The following MSR1 variants were observed in gnomAD, a reference collection of about 807,000 sequenced individuals.
MSR1 encodes macrophage scavenger receptor types I and II.
MSR1 carries 53 observed loss-of-function variants against 47.2 expected under a neutral mutation model. The observed-to-expected ratio is 1.12, with a 90% CI of 0.90 to 1.41. The LOEUF (loss-of-function observed/expected upper bound fraction) is 1.41, where lower values mean the gene tolerates loss of function less well. Ranked by LOEUF, MSR1 falls within the 40% of genes most tolerant of loss-of-function variation. MSR1 has a pLI of 0.00. For missense variants in MSR1, 786 were observed against 546.9 expected, an observed-to-expected ratio of 1.44 and a Z score of -4.36; for synonymous variants, 239 against 185.6, an observed-to-expected ratio of 1.29 and a Z score of -2.34.
At chr8:16,139,750 A>C (rs1800481369) in intron 8 of MSR1, 1 of 124,332 alleles carries the variant, frequency 8.0e-6, no homozygotes, top group Non-Finnish European at 9.6e-6. Flanking sequence ...CAAAACTTAA[A>C]AAAAAAAAAA....
At chr8:16,139,635 T>A (rs1178554576) in intron 8 of MSR1, 1 of 973,960 alleles carries the variant, frequency 1.0e-6, no homozygotes, top group Non-Finnish European at 1.2e-6. Flanking sequence ...TTGGTATTCT[T>A]TTTCATGATC....
At chr8:16,170,360 A>C (rs1054641068) in intron 3 of MSR1, among the ~76,000 whole-genome samples, 40 of 147,184 alleles carry the variant, frequency 2.7e-4, no homozygotes, top group African/African-American at 9.0e-4. Context: ...AAAAAAAAAA[A>C]CAAAACATGA....
intron 8 of MSR1, among the ~76,000 whole-genome samples, chr8:16,132,306 C>G (rs997107538): frequency 1.3e-5 from 2 of 151,800 alleles, no homozygotes; most frequent in African/African-American, 4.8e-5. Flanking sequence ...TATTGGTGTA[C>G]AGAAATGCTA....
At chr8:16,149,207 T>C (rs899689850) in intron 7 of MSR1, among the ~76,000 whole-genome samples, 1 of 152,084 alleles carries the variant, frequency 6.6e-6, no homozygotes, top group African/African-American at 2.4e-5. Flanking sequence ...TCAGTGTTGG[T>C]TTATTAATGG....
intron 4 of MSR1, among the ~76,000 whole-genome samples, chr8:16,164,633 G>T (rs979325542): frequency 6.6e-6 from 1 of 151,792 alleles, no homozygotes; most frequent in East Asian, 1.9e-4. Context: ...GTCAAATTTC[G>T]TGAATTTGAT....
intron 1 of MSR1, among the ~76,000 whole-genome samples, chr8:16,188,104 T>G (rs1802055877): frequency 6.6e-6 from 1 of 152,144 alleles, no homozygotes; most frequent in Admixed American, 6.6e-5. Context: ...GTAAAATCCT[T>G]GGAGTTTGTG....
At chr8:16,138,532 T>C (rs1800447402) in intron 8 of MSR1, among the ~76,000 whole-genome samples, 2 of 152,152 alleles carry the variant, frequency 1.3e-5, no homozygotes, top group South Asian at 4.1e-4. Context: ...TTTGGATTAG[T>C]TTTTCACACT....
intron 8 of MSR1, among the ~76,000 whole-genome samples, chr8:16,141,605 T>C (rs1800558353): frequency 6.6e-6 from 1 of 152,156 alleles, no homozygotes; most frequent in Non-Finnish European, 1.5e-5. Flanking sequence ...AGTTGTTATA[T>C]ACTCTGCATG....
intron 8 of MSR1, among the ~76,000 whole-genome samples, chr8:16,124,443 G>C (rs1387264377): frequency 6.6e-6 from 1 of 152,142 alleles, no homozygotes; most frequent in East Asian, 1.9e-4. Context: ...AATAAATAAG[G>C]TCATGCTTAA....
rs76510245 is a variant in MSR1, at chr8:16,108,751, G to T, written c.*1334C>A. On this transcript the variant is annotated 3_prime_UTR_variant, in exon 10 of 10. Coordinates refer to ENST00000262101, the MANE Select transcript of MSR1 (RefSeq NM_138715.3). ...TACAGTAATTCCAATTCCAAGGTAA[G>T]GTTTTGCCTTTTTAAGTTGGACGGC... 2 of 152,050 alleles carry T rather than the reference G, an allele frequency of 1.3e-5. No individual in the cohort carries two copies. The highest frequency in any genetic ancestry group is 2.9e-5 in the Non-Finnish European group (2 of 67,982). The allele number at this position is 152,050 out of a possible 1,614,324, so 9.4% of individuals were successfully genotyped here.
chr8:16,123,570 C>T (rs186356388), intron 8 of MSR1, among the ~76,000 whole-genome samples: 1 of 90,122 alleles, frequency 1.1e-5, no homozygotes, highest in Non-Finnish European at 2.4e-5. Flanking sequence ...ATAAAGATTT[C>T]AGAAGACATG....
chr8:16,132,675 C>T (rs367970055), intron 8 of MSR1, among the ~76,000 whole-genome samples: 8 of 152,012 alleles, frequency 5.3e-5, no homozygotes, highest in East Asian at 3.9e-4. Flanking sequence ...TTAGTACAGA[C>T]GGGTTTTGCC....
chr8:16,174,250 T>TA (rs1801573847), intron 3 of MSR1, among the ~76,000 whole-genome samples: 1 of 127,772 alleles, frequency 7.8e-6, no homozygotes, highest in Non-Finnish European at 1.8e-5. Context: ...CTTTAGGAAC[T>TA]TTTTTGTTGT....
At chr8:16,178,041 G>A in intron 1 of MSR1, 49 bp from the exon 2 acceptor site, 2 of 1,401,110 alleles carry the variant, frequency 1.4e-6, no homozygotes, top group Admixed American at 1.7e-5. Flanking sequence ...AAATGGCTAG[G>A]GCTCTTTTGC....
chr8:16,179,843 C>G (rs1801772626), intron 1 of MSR1, among the ~76,000 whole-genome samples: 1 of 135,838 alleles, frequency 7.4e-6, no homozygotes, highest in African/African-American at 2.8e-5. Flanking sequence ...CACCGCTGAA[C>G]TCTAGCCCGG....
intron 8 of MSR1, chr8:16,140,438 T>A (rs566973997): frequency 5.1e-6 from 5 of 986,362 alleles, no homozygotes; most frequent in Non-Finnish European, 6.0e-6. Context: ...GAGTTTTAGA[T>A]GGGATACTTA....
chr8:16,169,528 T>C (rs1359566292), intron 3 of MSR1, among the ~76,000 whole-genome samples: 1 of 152,098 alleles, frequency 6.6e-6, no homozygotes, highest in Non-Finnish European at 1.5e-5. Context: ...AAAATATATA[T>C]TCACAGCAGA....
chr8:16,169,420 C>T (rs901160860), intron 3 of MSR1, among the ~76,000 whole-genome samples: 1 of 152,166 alleles, frequency 6.6e-6, no homozygotes, highest in African/African-American at 2.4e-5. Flanking sequence ...TCAGTTAATA[C>T]AGACCTAATT....
At chr8:16,160,238 T>C (rs13248568) in intron 5 of MSR1, among the ~76,000 whole-genome samples, 46,255 of 151,806 alleles carry the variant, frequency 0.3, 8,379 homozygotes, top group Non-Finnish European at 0.41. Flanking sequence ...GAATAATTTA[T>C]ACGAGGATAT....
Sources: allele counts gnomAD v4.1 joint callset (sites outside exome capture counted in the v4.1 genomes callset), GRCh38; gene constraint gnomAD v4.1.1; transcripts MANE v1.5; gene names NCBI Gene and HGNC (gene_info 2026-07-23, HGNC 2026-07-21).